The following DSCAML1 variants were observed in gnomAD, a reference collection of about 807,000 sequenced individuals.
DSCAML1 encodes DS cell adhesion molecule like 1.
DSCAML1 carries 38 observed loss-of-function variants against 200.5 expected under a neutral mutation model. The observed-to-expected ratio is 0.19, with a 90% CI of 0.15 to 0.25. The LOEUF is 0.25. Ranked by LOEUF, DSCAML1 falls within the 10% of genes least tolerant of loss-of-function variation. The pLI, the probability that DSCAML1 is intolerant of heterozygous loss-of-function variation, is 1.00. For missense variants in DSCAML1, 2,223 were observed against 2,858.8 expected (o/e 0.78, Z 5.07); for synonymous variants, 1,215 against 1,165.0 (o/e 1.04, Z -0.87).
chr11:117,782,827 T>C (rs2134057874), intron 1 of DSCAML1, among the ~76,000 whole-genome samples: 1 of 152,216 alleles, frequency 6.6e-6, no homozygotes, highest in Admixed American at 6.5e-5. Context: ...GAGACAACAC[T>C]AAGAGACAGG....
At chr11:117,694,069 A>G (rs1444162854) in intron 3 of DSCAML1, among the ~76,000 whole-genome samples, 7 of 77,156 alleles carry the variant, frequency 9.1e-5, no homozygotes, top group Non-Finnish European at 1.8e-4. Flanking sequence ...ATATATATAT[A>G]TATATATATA....
At chr11:117,565,121 T>A (rs1180191523) in intron 3 of DSCAML1, among the ~76,000 whole-genome samples, 1 of 151,820 alleles carries the variant, frequency 6.6e-6, no homozygotes, top group Non-Finnish European at 1.5e-5. Context: ...ATCCCGCCCC[T>A]CCCCTGCCCT....
At chr11:117,738,113 T>TTGTG (rs376624074) in intron 3 of DSCAML1, among the ~76,000 whole-genome samples, 1 of 151,972 alleles carries the variant, frequency 6.6e-6, no homozygotes, top group African/African-American at 2.4e-5. Flanking sequence ...TGCTGAATGA[T>TTGTG]TGTGTGTGTG....
chr11:117,552,433 CT>C (rs1181745996), intron 3 of DSCAML1, among the ~76,000 whole-genome samples: 1 of 152,096 alleles, frequency 6.6e-6, no homozygotes, highest in African/African-American at 2.4e-5. Flanking sequence ...ATCCACCCCC[CT>C]CTCCCCTGCC....
At position 117,505,116 on chromosome 11, in the gene DSCAML1, T is replaced by A; in HGVS notation, c.2063-73A>T. On this transcript the variant is annotated intron_variant, in intron 9 of 32. Transcript: ENST00000651296. This position sits in a 1 kb window ranked among gnomAD's most constrained non-coding sequence, Gnocchi z 6.7. The stretch of plus-strand genomic sequence containing the variant: ...GGGTCTCCTAGGGCTTCGAGCACCT[T>A]CTGTTTGAGGTCAGCCCTGCCCGGG... 6.4e-7 allele frequency: 1 copy of A among 1,560,228 alleles called. No homozygotes were observed.
chr11:117,548,140 C>T (rs2050409874), intron 3 of DSCAML1, among the ~76,000 whole-genome samples: 1 of 151,928 alleles, frequency 6.6e-6, no homozygotes, highest in African/African-American at 2.4e-5. Context: ...GCTGTCGCCC[C>T]AGCCTTGTCT....
intron 3 of DSCAML1, among the ~76,000 whole-genome samples, chr11:117,701,486 T>C (rs1284667793): frequency 6.6e-6 from 1 of 152,162 alleles, no homozygotes; most frequent in African/African-American, 2.4e-5. Context: ...TATTTGCCAC[T>C]GAGCTCAGGA....
In DSCAML1 at chr11:117,715,881, G is replaced by A. The variant is rs141127984; in HGVS notation, c.511+60910C>T. On this transcript the variant is annotated intron_variant, in intron 3 of 32. Coordinates refer to ENST00000651296, the MANE Select transcript of DSCAML1 (RefSeq NM_020693.4). Reference sequence around the variant, plus strand: ...ATAACCCTCCTCTATCCATTATTCCGTCCTCAGATACCAATTCCTAGTTGG... The same window carrying A: ...ATAACCCTCCTCTATCCATTATTCCATCCTCAGATACCAATTCCTAGTTGG... Among the ~76,000 whole-genome samples the A allele has an allele frequency of 8.5e-5, 13 of 152,208 alleles. No homozygotes were observed. In the South Asian group the frequency reaches 1.0e-3, roughly 12 times the overall value.
chr11:117,790,111 G>A (rs1481149552), intron 1 of DSCAML1, among the ~76,000 whole-genome samples: 2 of 152,156 alleles, frequency 1.3e-5, no homozygotes, highest in African/African-American at 2.4e-5. Flanking sequence ...CTAGTAGCAG[G>A]GTGTCCACCA....
At chr11:117,708,680 T>C (rs2053793619) in intron 3 of DSCAML1, among the ~76,000 whole-genome samples, 1 of 152,214 alleles carries the variant, frequency 6.6e-6, no homozygotes, top group Non-Finnish European at 1.5e-5. Context: ...ACTCAAACTG[T>C]CCTGAGAAAG....
At position 117,504,464 on chromosome 11, in the gene DSCAML1, C is replaced by A. The variant is rs1225424549; in HGVS notation, c.2183-443G>T. Among the ~76,000 whole-genome samples the A allele has an allele frequency of 3.9e-5, 6 of 152,272 alleles. No individual in the cohort carries two copies. The highest frequency in any genetic ancestry group is 1.4e-4 in the African/African-American group (6 of 41,554). ...TGTGGGCACCCCCTGTCCCTCCATT[C>A]CCCAGTGTCAGTCACGAATACAGTC... On this transcript the variant is annotated intron_variant, in intron 10 of 32. Coordinates refer to ENST00000651296, the MANE Select transcript of DSCAML1 (RefSeq NM_020693.4). The surrounding 1 kb of genome is among the most constrained non-coding windows in gnomAD (Gnocchi z 5.0).
intron 3 of DSCAML1, among the ~76,000 whole-genome samples, chr11:117,712,036 G>A (rs999922799): frequency 6.6e-6 from 1 of 152,202 alleles, no homozygotes; most frequent in Non-Finnish European, 1.5e-5. Context: ...TAATGCATAT[G>A]CTTTTAGAGG....
At chr11:117,527,074 G>T (rs901228765) in intron 4 of DSCAML1, among the ~76,000 whole-genome samples, 11 of 152,152 alleles carry the variant, frequency 7.2e-5, no homozygotes, top group African/African-American at 2.2e-4. Flanking sequence ...GAGGTGGGAG[G>T]ATCAATTGAG....
intron 3 of DSCAML1, among the ~76,000 whole-genome samples, chr11:117,573,979 C>T (rs968716605): frequency 2.6e-5 from 4 of 152,224 alleles, no homozygotes; most frequent in Non-Finnish European, 4.4e-5. Flanking sequence ...TCTGCTTCCC[C>T]CTGAGCTCCC....
At chr11:117,458,278 A>G (rs562553906) in intron 19 of DSCAML1, among the ~76,000 whole-genome samples, 2 of 152,212 alleles carry the variant, frequency 1.3e-5, no homozygotes, top group South Asian at 4.1e-4. Context: ...CCCAGCTCCA[A>G]ATGGAGGCAC....
intron 8 of DSCAML1, among the ~76,000 whole-genome samples, chr11:117,507,028 C>G (rs575816156): frequency 1.1e-3 from 161 of 152,076 alleles, no homozygotes; most frequent in Non-Finnish European, 1.7e-3. Context: ...TATGTCTCAG[C>G]CCCTGGATGG....
At chr11:117,657,234 T>C (rs138127832) in intron 3 of DSCAML1, among the ~76,000 whole-genome samples, 27 of 152,240 alleles carry the variant, frequency 1.8e-4, no homozygotes, top group Middle Eastern at 3.4e-3. Context: ...CCCATCTCCC[T>C]AGGACTTGAG....
chr11:117,522,134 T>A (rs1320579900), intron 5 of DSCAML1, among the ~76,000 whole-genome samples: 2 of 152,238 alleles, frequency 1.3e-5, no homozygotes, highest in Non-Finnish European at 2.9e-5. Context: ...CCTGGGCTGT[T>A]TCTGGCCCCA....
At chr11:117,467,447 A>G (rs1210116261) in intron 16 of DSCAML1, among the ~76,000 whole-genome samples, 1 of 152,254 alleles carries the variant, frequency 6.6e-6, no homozygotes, top group African/African-American at 2.4e-5. Flanking sequence ...TTAAAAGCCC[A>G]CCTTTTATTG....
Sources: gnomAD v4.1 joint callset for allele counts (sites outside exome capture counted in the v4.1 genomes callset) on GRCh38, gnomAD v4.1.1 for gene constraint, Gnocchi (gnomAD v3.1) non-coding constraint, MANE v1.5 for transcripts, NCBI Gene and HGNC (gene_info 2026-07-23, HGNC 2026-07-21) for gene names.